The following DCPS variants were observed in gnomAD, a reference collection of about 807,000 sequenced individuals.
The protein encoded by DCPS is decapping enzyme, scavenger.
In DCPS, 27 loss-of-function variants were observed where a neutral mutation model predicts 34.7. That is an observed-to-expected ratio of 0.78 (90% CI 0.57 to 1.07). The LOEUF is 1.07. Among genes scored for constraint, DCPS ranks in the 50% least tolerant of loss-of-function variants. The probability of loss-of-function intolerance (pLI) is 0.00; values close to 1 mark genes in which losing one functional copy is unlikely to be tolerated. For missense variants in DCPS, 464 were observed against 436.9 expected (o/e 1.06, Z -0.55); for synonymous variants, 185 against 185.7 (o/e 1.00, Z 0.03).
chr11:126,332,866 C>CT lies in DCPS; in HGVS notation c.522+1317dup, dbSNP rs940730740. Reference sequence around the variant, plus strand: ...CTATATCTCCACCTTCTTAGAGTTTCTGCTGTTCAGGGTCCTAGGGAATCT... The same window carrying CT: ...CTATATCTCCACCTTCTTAGAGTTTCTTGCTGTTCAGGGTCCTAGGGAATCT... On this transcript the variant is annotated intron_variant, in intron 3 of 5. Transcript: ENST00000263579. The surrounding 1 kb of genome is among the most constrained non-coding windows in gnomAD (Gnocchi z 5.4). Among the ~76,000 whole-genome samples, 6 of 152,302 alleles carry CT rather than the reference C, an allele frequency of 3.9e-5. No individual in the cohort carries two copies. The highest frequency in any genetic ancestry group is 8.8e-5 in the Non-Finnish European group (6 of 68,026).
chr11:126,336,175 C>T lies in DCPS; in HGVS notation c.523-2111C>T, dbSNP rs1050609709. 4.6e-5 allele frequency among the ~76,000 whole-genome samples: 7 copies of T among 151,648 alleles called. No homozygotes were observed. The highest frequency in any genetic ancestry group is 1.3e-4 in the Admixed American group (2 of 15,200). On this transcript the variant is annotated intron_variant, in intron 3 of 5. Transcript: ENST00000263579. The surrounding 1 kb of genome is among the most constrained non-coding windows in gnomAD (Gnocchi z 6.3). ...CAGCCACCTCTCAGGGTTGCTGTGACGCTGAGAGCAGTGCCAGGCAGAGTG... is the reference window on the plus strand; with the variant it reads ...CAGCCACCTCTCAGGGTTGCTGTGATGCTGAGAGCAGTGCCAGGCAGAGTG...
intron 4 of DCPS, among the ~76,000 whole-genome samples, chr11:126,340,631 T>C (rs932621304): frequency 2.4e-4 from 36 of 152,352 alleles, no homozygotes; most frequent in Admixed American, 2.1e-3. Context: ...ATCCTTTGTC[T>C]TTGGGACAGG....
rs781480975 is a variant in DCPS at position 126,345,506 on chromosome 11, G to C, written c.907G>C (p.Glu303Gln). 6.2e-7 allele frequency: 1 copy of C among 1,613,990 alleles called. No homozygotes were observed. The highest frequency in any genetic ancestry group is 1.3e-5 in the African/African-American group (1 of 74,934). The change falls in exon 6 of 6, where the codon GAG (glutamate) becomes CAG (glutamine). Residue 303 changes from glutamate to glutamine, a missense_variant. Transcript: ENST00000263579. The surrounding 1 kb of genome is among the most constrained non-coding windows in gnomAD (Gnocchi z 7.4). Reference protein sequence around the residue: ...ERAHLLAEVIENLECDPRHYQ... With the variant: ...ERAHLLAEVIQNLECDPRHYQ... ...GGCCCACCTGCTGGCTGAGGTGATC[G>C]AGAACTTGGAGTGTGACCCTAGGCA... is the stretch of plus-strand genomic sequence containing the variant.
At chr11:126,314,701 G>A (rs549420685) in intron 2 of DCPS, among the ~76,000 whole-genome samples, 2 of 152,262 alleles carry the variant, frequency 1.3e-5, no homozygotes, top group South Asian at 4.1e-4. Context: ...CAACCTGGAT[G>A]GAATTGGAGA....
intron 1 of DCPS, 65 bp downstream of exon 1, chr11:126,304,346 G>T: frequency 1.3e-6 from 2 of 1,578,818 alleles, no homozygotes; most frequent in Non-Finnish European, 1.7e-6. Context: ...CTCGGAGGCA[G>T]ATTTTTTTTT....
At chr11:126,321,009 A>G (rs914224544) in intron 2 of DCPS, among the ~76,000 whole-genome samples, 1 of 151,964 alleles carries the variant, frequency 6.6e-6, no homozygotes, top group Non-Finnish European at 1.5e-5. Flanking sequence ...TACTCCCAGC[A>G]CTTTGGGAGG....
chr11:126,343,195 T>G, intron 4 of DCPS, 112 bp from the exon 5 acceptor site: 1 of 784,282 alleles, frequency 1.3e-6, no homozygotes, highest in Non-Finnish European at 2.1e-6. Context: ...TTTCTCCTGG[T>G]GCTGTAGGCC....
rs1384229777 is a variant in DCPS at position 126,329,609 on chromosome 11, A to G, written c.377-1796A>G. On this transcript the variant is annotated intron_variant, in intron 2 of 5. Transcript: ENST00000263579. This position sits in a 1 kb window ranked among gnomAD's most constrained non-coding sequence, Gnocchi z 5.0. ...ATCCCCACTGGGACTTGGAAGTAGA[A>G]ATTGGAAGTAGCCTGTGGTGTTGCA... Among the ~76,000 whole-genome samples the G allele has an allele frequency of 3.3e-5, 5 of 152,100 alleles. No individual in the cohort carries two copies. The South Asian group carries it at 1.0e-3, about 32-fold the overall frequency.
In DCPS at chr11:126,338,991, A is replaced by G. The variant is rs1428071905; in HGVS notation, c.636+592A>G. Among the ~76,000 whole-genome samples the G allele has an allele frequency of 2.0e-5, 3 of 152,168 alleles. No individual in the cohort carries two copies. The highest frequency in any genetic ancestry group is 7.2e-5 in the African/African-American group (3 of 41,444). ...TCCTCCCTCACAGGTATCCCTTTCC[A>G]GTTCCCTATGGTCTTCTGTCTCTCC... On this transcript the variant is annotated intron_variant, in intron 4 of 5. Transcript: ENST00000263579. This position sits in a 1 kb window ranked among gnomAD's most constrained non-coding sequence, Gnocchi z 5.4.
At position 126,343,372 on chromosome 11, in the gene DCPS, T is replaced by G. The variant is rs1951892458; in HGVS notation, c.702T>G (p.Thr234=). Reference sequence around the variant, plus strand: ...GCATCAGATCCCTACGCGACCTTACTCCGGAGCACTTGCCGCTGCTCAGGA... The same window carrying G: ...GCATCAGATCCCTACGCGACCTTACGCCGGAGCACTTGCCGCTGCTCAGGA... ...RRGIRSLRDL[T]PEHLPLLRNI... The change falls in exon 5 of 6, where the codon ACT becomes ACG. Residue 234 remains threonine, a synonymous_variant. Transcript: ENST00000263579. 1 of 1,613,986 alleles carries G rather than the reference T, an allele frequency of 6.2e-7. No individual in the cohort carries two copies. Among genetic ancestry groups the G allele is most frequent in the East Asian group, 2.2e-5 (1 of 44,860 alleles).
rs1326873662 is a variant in DCPS, at chr11:126,315,848, G to A, written c.376+9104G>A. Among the ~76,000 whole-genome samples the A allele has an allele frequency of 6.6e-6, 1 of 151,950 alleles. No individual in the cohort carries two copies. Among genetic ancestry groups the A allele is most frequent in the Admixed American group, 6.6e-5 (1 of 15,256 alleles). ...CCTGCCTCAGCCTCCCGAGTAGCTG[G>A]GATTACGGGTGCCTGCCACCACACC... On this transcript the variant is annotated intron_variant, in intron 2 of 5. Transcript: ENST00000263579. This position sits in a 1 kb window ranked among gnomAD's most constrained non-coding sequence, Gnocchi z 6.1.
chr11:126,321,128 G>T (rs1951703182), intron 2 of DCPS, among the ~76,000 whole-genome samples: 1 of 151,992 alleles, frequency 6.6e-6, no homozygotes, highest in African/African-American at 2.4e-5. Context: ...GGTGGTGCAT[G>T]CCTGTCATCC....
At chr11:126,309,024 C>CCTTTT (rs1457988895) in intron 2 of DCPS, among the ~76,000 whole-genome samples, 2 of 138,404 alleles carry the variant, frequency 1.4e-5, no homozygotes. Context: ...TTTCCTGCCC[C>CCTTTT]TTTTTTTTTT....
rs1951696495 is a variant in DCPS, at chr11:126,320,468, A to AGTTGG, written c.377-10937_377-10936insGTTGG. The stretch of plus-strand genomic sequence containing the variant: ...TACTTCCTTTATAGCCTGCTCTGAC[A>AGTTGG]ATGATATTAAAGGAATATTCTTAAA... On this transcript the variant is annotated intron_variant, in intron 2 of 5. Transcript: ENST00000263579. This position sits in a 1 kb window ranked among gnomAD's most constrained non-coding sequence, Gnocchi z 4.7. Among the ~76,000 whole-genome samples, 4 of 152,096 alleles carry AGTTGG rather than the reference A, an allele frequency of 2.6e-5. No individual in the cohort carries two copies. The highest frequency in any genetic ancestry group is 9.7e-5 in the African/African-American group (4 of 41,404).
chr11:126,321,146 T>G (rs909006555), intron 2 of DCPS, among the ~76,000 whole-genome samples: 12 of 150,908 alleles, frequency 8.0e-5, no homozygotes, highest in African/African-American at 2.9e-4. Flanking sequence ...TCCCAGCTAC[T>G]CAGTAGGCTC....
rs1951802585 is a variant in DCPS at position 126,332,708 on chromosome 11, G to T, written c.522+1158G>T. Among the ~76,000 whole-genome samples, 2 of 152,226 alleles carry T rather than the reference G, an allele frequency of 1.3e-5. No homozygotes were observed. ...CAGCCCCCTTCCCCAGCCTGGTTCA[G>T]CCCTGGTCTCCCTGGGCAGCAGTTT... is the stretch of plus-strand genomic sequence containing the variant. On this transcript the variant is annotated intron_variant, in intron 3 of 5. Transcript: ENST00000263579. The surrounding 1 kb of genome is among the most constrained non-coding windows in gnomAD (Gnocchi z 5.4).
rs1336475804 is a variant in DCPS at position 126,329,707 on chromosome 11, G to GATGACTCTT, written c.377-1697_377-1689dup. Among the ~76,000 whole-genome samples the GATGACTCTT allele has an allele frequency of 6.6e-6, 1 of 152,212 alleles. No individual in the cohort carries two copies. The highest frequency in any genetic ancestry group is 2.4e-5 in the African/African-American group (1 of 41,446). Reference sequence around the variant, plus strand: ...TGCCACGTTTCACGGTGTGATACTGGATGACTCTTTTGAGTCCCAGCCCAC... The same window carrying GATGACTCTT: ...TGCCACGTTTCACGGTGTGATACTGGATGACTCTTATGACTCTTTTGAGTCCCAGCCCAC... On this transcript the variant is annotated intron_variant, in intron 2 of 5. Coordinates refer to ENST00000263579, the MANE Select transcript of DCPS (RefSeq NM_014026.6). The surrounding 1 kb of genome is among the most constrained non-coding windows in gnomAD (Gnocchi z 5.0).
At chr11:126,306,983 C>T (rs1332023368) in intron 2 of DCPS, among the ~76,000 whole-genome samples, 1 of 151,902 alleles carries the variant, frequency 6.6e-6, no homozygotes, top group Non-Finnish European at 1.5e-5. Flanking sequence ...TGCTAAACAC[C>T]TTACAATGTA....
rs760058678 is a variant in DCPS, at chr11:126,312,713, AT to A, written c.376+5971del. Among the ~76,000 whole-genome samples, 8 of 152,204 alleles carry A rather than the reference AT, an allele frequency of 5.3e-5. No individual in the cohort carries two copies. The highest frequency in any genetic ancestry group is 1.0e-4 in the Non-Finnish European group (7 of 68,038). On this transcript the variant is annotated intron_variant, in intron 2 of 5. Coordinates refer to ENST00000263579, the MANE Select transcript of DCPS (RefSeq NM_014026.6). This position sits in a 1 kb window ranked among gnomAD's most constrained non-coding sequence, Gnocchi z 5.1. Reference sequence around the variant, plus strand: ...TGGCCACTGTCCTGGATTAGGACCCATTAAGAGAAGGTGTATAGAGCACGTG... The same window carrying A: ...TGGCCACTGTCCTGGATTAGGACCCATAAGAGAAGGTGTATAGAGCACGTG...
Sources: allele counts gnomAD v4.1 joint callset (sites outside exome capture counted in the v4.1 genomes callset), GRCh38; gene constraint gnomAD v4.1.1; non-coding constraint Gnocchi (gnomAD v3.1); transcripts MANE v1.5; gene names NCBI Gene and HGNC (gene_info 2026-07-23, HGNC 2026-07-21).